Variants in HIP1R observed in about 807,000 individuals in gnomAD.
HIP1R encodes huntingtin-interacting protein 1-related protein.
In HIP1R, 135 loss-of-function variants were observed where a neutral mutation model predicts 144.2. The ratio of observed to expected loss-of-function variants is 0.94; its 90% CI spans 0.81 to 1.08. The LOEUF (loss-of-function observed/expected upper bound fraction) is 1.08. Among genes scored for constraint, HIP1R ranks in the 50% least tolerant of loss-of-function variants. The pLI is 0.00. For synonymous variants in HIP1R, 698 were observed against 612.8 expected (o/e 1.14, Z -2.05); for missense variants, 1,462 against 1,432.8 (o/e 1.02, Z -0.33).
At chr12:122,835,456 C>T (rs1443260801), upstream of HIP1R, 4 of 1,159,408 alleles carry the variant, frequency 3.5e-6, no homozygotes, top group South Asian at 1.1e-4. Flanking sequence ...CCGGGCGCGG[C>T]GCGGTGGCCT....
rs201026318 is a variant in HIP1R, at chr12:122,848,099, C to A, written c.157+5C>A. On this transcript the variant is annotated splice_donor_5th_base_variant and intron_variant, in intron 2 of 31. Coordinates refer to ENST00000253083, the MANE Select transcript of HIP1R (RefSeq NM_003959.3). ...TGAAGGAGAAGCACGCCCGGCGTAT[C>A]CTTGGCCGGCTCTTGGACCCAGGAG... The A allele has an allele frequency of 6.2e-7, 1 of 1,613,296 alleles. No individual in the cohort carries two copies. Among genetic ancestry groups the A allele is most frequent in the East Asian group, 2.2e-5 (1 of 44,888 alleles).
intron 1 of HIP1R, among the ~76,000 whole-genome samples, 187 bp downstream of exon 1, chr12:122,835,830 C>G (rs2032873608): frequency 1.3e-5 from 2 of 149,150 alleles, no homozygotes; most frequent in South Asian, 4.1e-4. Flanking sequence ...CGCCGGCCTC[C>G]GCGGCCCGAG....
intron 1 of HIP1R, among the ~76,000 whole-genome samples, chr12:122,835,865 A>G (rs1315638587): frequency 1.3e-5 from 2 of 149,746 alleles, no homozygotes; most frequent in South Asian, 2.1e-4. Context: ...GGTGAACCGG[A>G]AGCCGCGCTC....
chr12:122,853,726 G>A (rs1241849360), intron 7 of HIP1R: 3 of 274,996 alleles, frequency 1.1e-5, no homozygotes, highest in Admixed American at 5.3e-5. Context: ...TTTGAGGCCC[G>A]TGGGCATGGA....
chr12:122,855,608 G>T lies in HIP1R; in HGVS notation c.1051G>T (p.Asp351Tyr). The T allele has an allele frequency of 6.5e-7, 1 of 1,549,662 alleles. No individual in the cohort carries two copies. Among genetic ancestry groups the T allele is most frequent in the Non-Finnish European group, 8.7e-7 (1 of 1,146,704 alleles). ...ACCCCCCAATGGGTCTGTGAAGGAC[G>T]ACAGGTGAGGGCTGGAGGAGCCGAC... ...FGPPNGSVKDDRDLQIESLKR... is the reference protein window; with the variant it reads ...FGPPNGSVKDYRDLQIESLKR... Residue 351 changes from aspartate (D) to tyrosine (Y), a missense_variant, in exon 12 of 32, where the codon GAC becomes TAC. Coordinates refer to ENST00000253083, the MANE Select transcript of HIP1R (RefSeq NM_003959.3).
At position 122,859,461 on chromosome 12, in the gene HIP1R, G is replaced by C. The variant is rs1197211020; in HGVS notation, c.2331G>C (p.Glu777Asp). 8 of 1,613,398 alleles carry C rather than the reference G, an allele frequency of 5.0e-6. No individual in the cohort carries two copies. Among genetic ancestry groups the C allele is most frequent in the Non-Finnish European group, 8.5e-7 (1 of 1,179,980 alleles). Residue 777 changes from glutamate (E) to aspartate (D), a missense_variant, in exon 23 of 32, where the codon GAG (glutamate) becomes GAC (aspartate). By Grantham distance (45) the Glu-to-Asp change is conservative. Around this residue, in one of 2 missense-constraint regions of HIP1R, gnomAD observed 1,112 missense variants for 1,011.7 expected, o/e 1.10. Transcript: ENST00000253083. The stretch of plus-strand genomic sequence containing the variant: ...CCAAGAGCCTAGATGTGCGGCAGGA[G>C]GAGCTGGGGGCCGTGGTCGACAAGG... ...LKPKSLDVRQ[E>D]ELGAVVDKEM...
intron 19 of HIP1R, 25 bp from the exon 20 acceptor site, chr12:122,858,324 G>T (rs1455930951): frequency 6.3e-7 from 1 of 1,598,014 alleles, no homozygotes; most frequent in African/African-American, 1.3e-5. Context: ...GGTGGCAGGG[G>T]CCTCAGTTCT....
Position 122,854,895 on chromosome 12 carries a change from CA to C in HIP1R, c.719-9del, listed in dbSNP as rs2033516260. 6.2e-7 allele frequency: 1 copy of C among 1,612,092 alleles called. No homozygotes were observed. Among genetic ancestry groups the C allele is most frequent in the African/African-American group, 1.3e-5 (1 of 74,800 alleles). Reference sequence around the variant, plus strand: ...CAGAGAAGTCCTGTTACACTTGTGCCACCCTCCAGGTCTCCCTGCGGACACC... The same window carrying C: ...CAGAGAAGTCCTGTTACACTTGTGCCCCCTCCAGGTCTCCCTGCGGACACC... On this transcript the variant is annotated splice_polypyrimidine_tract_variant and intron_variant, in intron 8 of 31. Transcript: ENST00000253083.
rs139287338 is a variant in HIP1R, at chr12:122,842,429, C to T, written c.94-5602C>T. Among the ~76,000 whole-genome samples, 709 of 152,360 alleles carry T rather than the reference C, an allele frequency of 4.7e-3. 8 individuals are homozygous for T. Among genetic ancestry groups the T allele is most frequent in the African/African-American group, 0.016 (676 of 41,586 alleles). ...TGCCCTGAAGTCGTCCAGTACTTGTCTTTGAAAGAGCTCTTGTCCTTCGAG... is the reference window on the plus strand; with the variant it reads ...TGCCCTGAAGTCGTCCAGTACTTGTTTTTGAAAGAGCTCTTGTCCTTCGAG... On this transcript the variant is annotated intron_variant, in intron 1 of 31. Coordinates refer to ENST00000253083, the MANE Select transcript of HIP1R (RefSeq NM_003959.3).
intron 1 of HIP1R, among the ~76,000 whole-genome samples, chr12:122,837,550 C>A (rs1293497824): frequency 1.3e-5 from 2 of 152,186 alleles, no homozygotes; most frequent in African/African-American, 4.8e-5. Context: ...AACTCCTGAC[C>A]TCAGGCGATC....
At position 122,860,191 on chromosome 12, in the gene HIP1R, A is replaced by C. The variant is rs1437956848; in HGVS notation, c.2540A>C (p.Glu847Ala). 3.2e-6 allele frequency: 5 copies of C among 1,565,952 alleles called. No individual in the cohort carries two copies. The South Asian group carries it at 5.8e-5, about 18-fold the overall frequency. Reference sequence around the variant, plus strand: ...ACGACATCCACTAGCCTGCAGAAGGAGATCGTGGAGAGCGGCAGGGTGAGG... The same window carrying C: ...ACGACATCCACTAGCCTGCAGAAGGCGATCGTGGAGAGCGGCAGGGTGAGG... ...LVTTSTSLQKEIVESGRGAAT... is the reference protein window; with the variant it reads ...LVTTSTSLQKAIVESGRGAAT... The change falls in exon 26 of 32, where the codon GAG becomes GCG. Residue 847 changes from glutamate to alanine, a missense_variant. This residue lies in a region of HIP1R where 1,112 missense variants were observed against 1,011.7 expected (regional missense o/e 1.10). Coordinates refer to ENST00000253083, the MANE Select transcript of HIP1R (RefSeq NM_003959.3).
rs3070075 is a variant in HIP1R at position 122,859,025 on chromosome 12, G to GGT, written c.2159-35_2159-34insTG. On this transcript the variant is annotated intron_variant, in intron 21 of 31. Transcript: ENST00000253083. ...GGGGGTCCTTATGGAGCCTGTCGGT[G>GGT]GGGGGGGCTCCACTCACGGTCCTTT... 5.7e-5 allele frequency: 91 copies of GGT among 1,606,032 alleles called. No individual in the cohort carries two copies. The South Asian group carries it at 7.6e-4, about 13-fold the overall frequency.
Position 122,860,601 on chromosome 12 carries a change from G to T in HIP1R, c.2660+78G>T, listed in dbSNP as rs1052532975. 2.1e-5 allele frequency: 32 copies of T among 1,556,440 alleles called. No individual in the cohort carries two copies. In the Admixed American group the frequency reaches 5.4e-4, roughly 26 times the overall value. ...CAGTTTGGGGTTCAACAGGGTGCAG[G>T]GAGTAGAGGGGGTGTGGAGTGGTGC... On this transcript the variant is annotated intron_variant, in intron 27 of 31. Transcript: ENST00000253083.
At chr12:122,855,188 C>T in intron 10 of HIP1R, 60 bp downstream of exon 10, 1 of 1,611,290 alleles carries the variant, frequency 6.2e-7, no homozygotes, top group East Asian at 2.2e-5. Flanking sequence ...GGCTGGGCCC[C>T]ACACAGGCTA....
chr12:122,854,914 C>T lies in HIP1R; in HGVS notation c.728C>T (p.Ala243Val), dbSNP rs191719039. ...TTGTGCCACCCTCCAGGTCTCCCTG[C>T]GGACACCCTGCAAGGCCACAGGGAC... ...LLFKLHSCLP[A>V]DTLQGHRDRF... Residue 243 changes from alanine (A) to valine (V), a missense_variant, in exon 9 of 32, where the codon GCG becomes GTG. By Grantham distance (64) the Ala-to-Val change is moderately conservative (BLOSUM62 0). Transcript: ENST00000253083. The T allele has an allele frequency of 2.2e-5, 35 of 1,612,718 alleles. 1 individual carries two copies. The highest frequency in any genetic ancestry group is 6.7e-5 in the East Asian group (3 of 44,890).
Position 122,855,093 on chromosome 12 carries a change from T to C in HIP1R, c.817T>C (p.Phe273Leu). ...CCGCAGAGCCTCCGACATGCTGTAC[T>C]TCAAGCGGCTCATCCAGATCCCCCG... ...FFRRASDMLY[F>L]KRLIQIPRLP... The change falls in exon 10 of 32, where the codon TTC (phenylalanine) becomes CTC (leucine). Residue 273 changes from phenylalanine (F) to leucine (L), a missense_variant. Physicochemically the swap from Phe to Leu is conservative, Grantham distance 22. Around this residue, in one of 2 missense-constraint regions of HIP1R, gnomAD observed 350 missense variants for 421.1 expected, o/e 0.83. Coordinates refer to ENST00000253083, the MANE Select transcript of HIP1R (RefSeq NM_003959.3). 3 of 1,613,820 alleles carry C rather than the reference T, an allele frequency of 1.9e-6. No homozygotes were observed. The highest frequency in any genetic ancestry group is 2.5e-6 in the Non-Finnish European group (3 of 1,180,016).
chr12:122,840,604 A>G lies in HIP1R; in HGVS notation c.93+4961A>G, dbSNP rs574738652. ...TTGGCTGTTATGTTGTGTTCAGAAG[A>G]GCAGGCTGGGCTGAAAGAGAGAAAC... On this transcript the variant is annotated intron_variant, in intron 1 of 31. Transcript: ENST00000253083. This position sits in a 1 kb window ranked among gnomAD's most constrained non-coding sequence, Gnocchi z 4.2. Among the ~76,000 whole-genome samples, 3 of 152,346 alleles carry G rather than the reference A, an allele frequency of 2.0e-5. No individual in the cohort carries two copies. Among genetic ancestry groups the G allele is most frequent in the African/African-American group, 7.2e-5 (3 of 41,578 alleles).
intron 20 of HIP1R, 69 bp from the exon 21 acceptor site, chr12:122,858,769 C>T (rs779600045): frequency 1.7e-5 from 19 of 1,113,646 alleles, no homozygotes; most frequent in South Asian, 1.4e-4. Context: ...AGCTGGCCAC[C>T]GACGGTGGTC....
intron 7 of HIP1R, 166 bp from the exon 8 acceptor site, chr12:122,853,877 G>T: frequency 4.2e-6 from 3 of 713,048 alleles, no homozygotes; most frequent in Non-Finnish European, 6.8e-6. Flanking sequence ...GGAGCATCTG[G>T]TCTTGACCTG....
Sources: allele counts gnomAD v4.1 joint callset (sites outside exome capture counted in the v4.1 genomes callset), GRCh38; gene constraint gnomAD v4.1.1; regional missense constraint gnomAD v4.1.1; non-coding constraint Gnocchi (gnomAD v3.1); transcripts MANE v1.5; gene names NCBI Gene and HGNC (gene_info 2026-07-23, HGNC 2026-07-21).